ATP2C1: variants seen among roughly 807,000 people sequenced by gnomAD.
ATP2C1 encodes calcium-transporting ATPase type 2C member 1.
A neutral mutation model predicts 120.5 loss-of-function variants in ATP2C1; 31 were observed. That is an observed-to-expected ratio of 0.26 (90% CI 0.19 to 0.35). The LOEUF is 0.35. Ranked by LOEUF, ATP2C1 falls within the 10% of genes least tolerant of loss-of-function variation. The pLI, the probability that ATP2C1 is intolerant of heterozygous loss-of-function variation, is 1.00. For missense variants in ATP2C1, 731 were observed against 1,107.5 expected (o/e 0.66, Z 4.83); for synonymous variants, 351 against 358.7 (o/e 0.98, Z 0.24).
rs1255629045 is a variant in ATP2C1, at chr3:130,932,226, T to C, written c.234+88T>C. 11 of 860,018 alleles carry C rather than the reference T, an allele frequency of 1.3e-5. No individual in the cohort carries two copies. The Admixed American group carries it at 1.5e-4, about 12-fold the overall frequency. The allele number at this position is 860,018 out of a possible 1,614,324, so 53.3% of individuals were successfully genotyped here. ...AGTTGCTTACTTTTGTGATACTGTT[T>C]ATGGAGAAAGGAAATAATTTTTAGA... On this transcript the variant is annotated intron_variant, in intron 4 of 27. Transcript: ENST00000510168.
upstream of ATP2C1, among the ~76,000 whole-genome samples, chr3:130,889,763 A>T (rs575170215): frequency 2.8e-5 from 4 of 143,068 alleles, no homozygotes; most frequent in South Asian, 8.8e-4. Flanking sequence ...TTCCCACCCC[A>T]GCTGCCTGAG....
intron 7 of ATP2C1, 59 bp downstream of exon 7, chr3:130,940,750 C>A (rs2059855067): frequency 8.1e-7 from 1 of 1,240,412 alleles, no homozygotes; most frequent in Non-Finnish European, 1.2e-6. Flanking sequence ...TTGAATGTGA[C>A]TAGTACCGTA....
chr3:130,881,294 A>G (rs2068770903), intron 1 of ATP2C1, among the ~76,000 whole-genome samples: 1 of 152,106 alleles, frequency 6.6e-6, no homozygotes, highest in African/African-American at 2.4e-5. Context: ...GCCAGTGGCA[A>G]TTTAACTTAC....
chr3:130,906,673 C>A (rs1576657245), intron 2 of ATP2C1, among the ~76,000 whole-genome samples: 1 of 134,544 alleles, frequency 7.4e-6, no homozygotes, highest in Non-Finnish European at 1.6e-5. Context: ...CAACATTTTG[C>A]TGTTTTTTTT....
intron 8 of ATP2C1, among the ~76,000 whole-genome samples, chr3:130,951,087 G>A (rs552662904): frequency 1.3e-5 from 2 of 152,234 alleles, no homozygotes; most frequent in Admixed American, 1.3e-4. Flanking sequence ...TCTGACTGTT[G>A]TAACAAGCAT....
chr3:130,856,896 G>A (rs1050101830), intron 1 of ATP2C1, among the ~76,000 whole-genome samples: 2 of 152,168 alleles, frequency 1.3e-5, no homozygotes, highest in Admixed American at 1.3e-4. Flanking sequence ...TAAGCATGTG[G>A]GAGTTATTTA....
downstream of ATP2C1, among the ~76,000 whole-genome samples, chr3:131,004,991 G>A (rs1216626947): frequency 6.6e-6 from 1 of 152,174 alleles, no homozygotes; most frequent in Non-Finnish European, 1.5e-5. Context: ...AGCACAGAGG[G>A]TCAATTGTGA....
At chr3:130,970,369 T>TACACACACACACACACAC (rs201337484) in intron 17 of ATP2C1, among the ~76,000 whole-genome samples, 101 of 130,726 alleles carry the variant, frequency 7.7e-4, no homozygotes, top group African/African-American at 2.1e-3. Flanking sequence ...AAAAAAAAAT[T>TACACACACACACACACAC]ACACACACAC....
chr3:130,969,138 G>A (rs551158446), intron 16 of ATP2C1, among the ~76,000 whole-genome samples, 154 bp from the exon 17 acceptor site: 1 of 152,288 alleles, frequency 6.6e-6, no homozygotes, highest in East Asian at 1.9e-4. Context: ...GATGTGTAGG[G>A]AAGTACAGTA....
intron 2 of ATP2C1, chr3:130,919,151 C>A: frequency 3.5e-6 from 1 of 288,218 alleles, no homozygotes; most frequent in Non-Finnish European, 6.7e-6. Context: ...GCATCACAGG[C>A]GGAGCTAGAG....
chr3:130,953,431 C>T (rs906279058), intron 8 of ATP2C1, among the ~76,000 whole-genome samples: 4 of 150,786 alleles, frequency 2.7e-5, no homozygotes, highest in African/African-American at 4.9e-5. Flanking sequence ...CAGTCATCGT[C>T]GATGGTTTTA....
intron 12 of ATP2C1, among the ~76,000 whole-genome samples, chr3:130,961,467 G>A (rs1420742626): frequency 2.6e-5 from 4 of 151,716 alleles, no homozygotes; most frequent in African/African-American, 9.7e-5. Context: ...CCTCTTTCTT[G>A]AAGTATTTTA....
At position 130,894,707 on chromosome 3, in the gene ATP2C1, G is replaced by A; in HGVS notation, c.-63G>A. On this transcript the variant is annotated 5_prime_UTR_variant, in exon 2 of 28. In the 5' UTR this introduces an upstream ATG that the reference lacks. Transcript: ENST00000510168. The surrounding 1 kb of genome is among the most constrained non-coding windows in gnomAD (Gnocchi z 4.5). Reference sequence around the variant, plus strand: ...CCTCCTCCTCTCCTCTCTATTCCCAGTGTGGCCGTGGCTGACACTAAAGAC... The same window carrying A: ...CCTCCTCCTCTCCTCTCTATTCCCAATGTGGCCGTGGCTGACACTAAAGAC... The A allele has an allele frequency of 6.2e-7, 1 of 1,614,100 alleles. No homozygotes were observed. The highest frequency in any genetic ancestry group is 8.5e-7 in the Non-Finnish European group (1 of 1,180,006).
rs2069349773 is a variant in ATP2C1 at position 130,894,111 on chromosome 3, C to A, written c.-407C>A. 2 of 972,754 alleles carry A rather than the reference C, an allele frequency of 2.1e-6. No homozygotes were observed. The highest frequency in any genetic ancestry group is 2.4e-6 in the Non-Finnish European group (2 of 818,462). The allele number at this position is 972,754 out of a possible 1,614,324, so 60.3% of individuals were successfully genotyped here. On this transcript the variant is annotated 5_prime_UTR_variant, in exon 1 of 28. Transcript: ENST00000510168. This position sits in a 1 kb window ranked among gnomAD's most constrained non-coding sequence, Gnocchi z 4.5. ...ACCAGCACGGCCTCGCGGAGCCGGC[C>A]CGGCGGACCGTGACGGGTCCCCTCA...
At chr3:130,965,174 T>C (rs73201931) in intron 14 of ATP2C1, 129 bp downstream of exon 14, 6 of 689,904 alleles carry the variant, frequency 8.7e-6, no homozygotes, top group Non-Finnish European at 1.6e-5. Flanking sequence ...TTATTTTCTC[T>C]CTCTGTGATT....
At chr3:130,999,700 A>G in intron 27 of ATP2C1, 41 bp downstream of exon 27, 2 of 1,544,046 alleles carry the variant, frequency 1.3e-6, no homozygotes, top group South Asian at 1.1e-5. Context: ...TATTTTAGAT[A>G]AATCATATTT....
At chr3:130,942,791 T>C (rs1310947025) in intron 8 of ATP2C1, among the ~76,000 whole-genome samples, 19 of 152,210 alleles carry the variant, frequency 1.2e-4, no homozygotes, top group Admixed American at 1.2e-3. Context: ...TACTCTTCTT[T>C]CCTTCAGTTC....
At chr3:130,993,810 G>T in intron 21 of ATP2C1, 122 bp from the exon 22 acceptor site, 1 of 978,848 alleles carries the variant, frequency 1.0e-6, no homozygotes, top group South Asian at 1.4e-5. Context: ...ACAATGGGTG[G>T]TCTATATTAT....
At chr3:130,885,182 C>T (rs1187697556) in intron 1 of ATP2C1, among the ~76,000 whole-genome samples, 2 of 152,108 alleles carry the variant, frequency 1.3e-5, no homozygotes, top group Admixed American at 1.3e-4. Flanking sequence ...GATCCACCCG[C>T]CTCTGCCTCC....
Sources: gnomAD v4.1 joint callset for allele counts (sites outside exome capture counted in the v4.1 genomes callset) on GRCh38, gnomAD v4.1.1 for gene constraint, Gnocchi (gnomAD v3.1) non-coding constraint, MANE v1.5 for transcripts, NCBI Gene and HGNC (gene_info 2026-07-23, HGNC 2026-07-21) for gene names.